The following COLEC11 variants were observed in gnomAD, a reference collection of about 807,000 sequenced individuals.
COLEC11 encodes collectin subfamily member 11.
COLEC11 carries 20 observed loss-of-function variants against 27.3 expected under a neutral mutation model. The ratio of observed to expected loss-of-function variants is 0.73; its 90% confidence interval spans 0.51 to 1.06. COLEC11 has a LOEUF of 1.06. COLEC11 is among the 50% of genes least tolerant of loss of function. The pLI is 0.00. For synonymous variants in COLEC11, 163 were observed against 154.7 expected, an observed-to-expected ratio of 1.05 and a Z score of -0.40; for missense variants, 310 against 383.0, an observed-to-expected ratio of 0.81 and a Z score of 1.59.
intron 3 of COLEC11, among the ~76,000 whole-genome samples, chr2:3,631,723 A>ACTCGGAGGGGACTCTG (rs1233944764): frequency 7.4e-4 from 111 of 149,494 alleles, no homozygotes; most frequent in African/African-American, 2.5e-3. Flanking sequence ...GGGGGCCCCT[A>ACTCGGAGGGGACTCTG]CTCGGAGGGG....
chr2:3,616,204 G>A (rs1423707539), intron 3 of COLEC11, among the ~76,000 whole-genome samples: 5 of 151,132 alleles, frequency 3.3e-5, no homozygotes, highest in Non-Finnish European at 5.9e-5. Context: ...GACGATGGGC[G>A]GCCGGGCAGA....
intron 3 of COLEC11, among the ~76,000 whole-genome samples, chr2:3,630,283 T>C (rs144643734): frequency 1.9e-3 from 287 of 152,360 alleles, no homozygotes; most frequent in Non-Finnish European, 3.3e-3. Flanking sequence ...GTATAGTATA[T>C]GTGCATATGT....
intron 3 of COLEC11, among the ~76,000 whole-genome samples, chr2:3,627,844 A>G (rs950326865): frequency 7.9e-5 from 12 of 152,184 alleles, no homozygotes; most frequent in African/African-American, 1.2e-4. Context: ...ACTGGGCGTG[A>G]TGACAAAGTG....
chr2:3,641,463 G>A (rs146584836), intron 5 of COLEC11: 21 of 1,251,048 alleles, frequency 1.7e-5, no homozygotes, highest in African/African-American at 9.3e-5. Flanking sequence ...GAGAGGGGAC[G>A]TCCCATCCCG....
chr2:3,618,242 T>C (rs1411812880), intron 3 of COLEC11, among the ~76,000 whole-genome samples: 1 of 152,238 alleles, frequency 6.6e-6, no homozygotes, highest in Non-Finnish European at 1.5e-5. Flanking sequence ...CATGTGCTTT[T>C]GGGGTCATAT....
At chr2:3,609,013 G>A (rs571963488) in intron 2 of COLEC11, among the ~76,000 whole-genome samples, 15 of 152,352 alleles carry the variant, frequency 9.8e-5, no homozygotes, top group Admixed American at 4.6e-4. Context: ...CTGACTCCAG[G>A]TTTGGGTTCC....
At chr2:3,601,928 A>C (rs1187787006) in intron 1 of COLEC11, 1 of 152,214 alleles carries the variant, frequency 6.6e-6, no homozygotes, top group Non-Finnish European at 1.5e-5. Flanking sequence ...AGGATTTCAA[A>C]TGACTTCCCT....
rs552117556 is a variant in COLEC11 at position 3,625,550 on chromosome 2, G to A, written c.203-11983G>A. ...CAGGGAGTCAGCTTAGGGGAGGGGC[G>A]TTTAGCACTCAGGGGTCTACTCTGT... On this transcript the variant is annotated intron_variant, in intron 3 of 6. Transcript: ENST00000349077. 1.9e-4 allele frequency among the ~76,000 whole-genome samples: 29 copies of A among 151,498 alleles called. 1 individual carries two copies. The South Asian group carries it at 6.1e-3, about 32-fold the overall frequency.
In COLEC11 at chr2:3,638,060, G is replaced by A. The variant is rs551061008; in HGVS notation, c.274+456G>A. Among the ~76,000 whole-genome samples, 114 of 152,362 alleles carry A rather than the reference G, an allele frequency of 7.5e-4. 1 individual carries two copies. In the East Asian group the frequency reaches 0.015, roughly 21 times the overall value. On this transcript the variant is annotated intron_variant, in intron 4 of 6. Transcript: ENST00000349077. ...GAACAGGGTGTGGGATGGCAGCAGC[G>A]GGTGTGGGCAGCAACTATGGTGCCA...
At chr2:3,613,720 G>C (rs185007558) in intron 3 of COLEC11, among the ~76,000 whole-genome samples, 1 of 152,138 alleles carries the variant, frequency 6.6e-6, no homozygotes, top group Non-Finnish European at 1.5e-5. Context: ...TTATGAAGGC[G>C]GCGTGGCAGA....
chr2:3,611,421 A>G (rs567331393), intron 2 of COLEC11, among the ~76,000 whole-genome samples: 189 of 152,268 alleles, frequency 1.2e-3, no homozygotes, highest in Non-Finnish European at 2.0e-3. Flanking sequence ...CACCGATTGC[A>G]CAGTCAGCGT....
intron 3 of COLEC11, 84 bp downstream of exon 3, chr2:3,613,466 G>C: frequency 7.0e-7 from 1 of 1,437,146 alleles, no homozygotes; most frequent in African/African-American, 1.4e-5. Context: ...GGTGGGGGTG[G>C]TGGTTCCAGA....
chr2:3,634,606 T>C (rs987462301), intron 3 of COLEC11, among the ~76,000 whole-genome samples: 1 of 152,204 alleles, frequency 6.6e-6, no homozygotes, highest in Non-Finnish European at 1.5e-5. Context: ...CTCCCTGCTG[T>C]GGCATTTTAC....
chr2:3,605,745 C>G, intron 2 of COLEC11: 1 of 226,650 alleles, frequency 4.4e-6, no homozygotes, highest in Non-Finnish European at 8.8e-6. Flanking sequence ...AGATTCAAAC[C>G]CATGATCAAA....
intron 3 of COLEC11, among the ~76,000 whole-genome samples, chr2:3,625,169 C>T (rs1003775267): frequency 6.6e-6 from 1 of 152,222 alleles, no homozygotes; most frequent in African/African-American, 2.4e-5. Flanking sequence ...GAATTCCCTT[C>T]TCCCTCCCTC....
chr2:3,606,966 C>T (rs1442478443), intron 2 of COLEC11, among the ~76,000 whole-genome samples: 1 of 152,240 alleles, frequency 6.6e-6, no homozygotes, highest in African/African-American at 2.4e-5. Context: ...ATCCACCAGG[C>T]AGGCTCAGGG....
chr2:3,605,069 C>T (rs1329927357), intron 2 of COLEC11: 2 of 470,886 alleles, frequency 4.2e-6, no homozygotes, highest in African/African-American at 4.0e-5. Context: ...TATCTGAAGC[C>T]TCCAGAGCAG....
intron 3 of COLEC11, among the ~76,000 whole-genome samples, 175 bp from the exon 4 acceptor site, chr2:3,637,337 GCTGTATCAACAGGCGACCTGC>G (rs755160284): frequency 2.8e-4 from 42 of 152,356 alleles, no homozygotes; most frequent in Non-Finnish European, 5.3e-4. Flanking sequence ...TCCTTTGGAA[GCTGTATCAACAGGCGACCTGC>G]CTGTGACAGT....
chr2:3,604,031 A>G, intron 1 of COLEC11: 1 of 574,742 alleles, frequency 1.7e-6, no homozygotes, highest in African/African-American at 1.9e-5. Flanking sequence ...CAGAGATCAG[A>G]TCGAACTCCT....
Sources: gnomAD v4.1 joint callset for allele counts (sites outside exome capture counted in the v4.1 genomes callset) on GRCh38, gnomAD v4.1.1 for gene constraint, MANE v1.5 for transcripts, NCBI Gene and HGNC (gene_info 2026-07-23, HGNC 2026-07-21) for gene names.